Variants in PRKN observed in about 807,000 individuals in gnomAD.
The protein encoded by PRKN is E3 ubiquitin-protein ligase parkin.
A neutral mutation model predicts 59.5 loss-of-function variants in PRKN; 56 were observed. The observed-to-expected ratio is 0.94, with a 90% confidence interval of 0.76 to 1.18. The LOEUF is 1.18. Among genes scored for constraint, PRKN ranks in the 50% most tolerant of loss-of-function variants. The pLI is 0.00. For missense variants in PRKN, 657 were observed against 596.4 expected (o/e 1.10, Z -1.06); for synonymous variants, 250 against 222.1 (o/e 1.13, Z -1.12).
intron 9 of PRKN, among the ~76,000 whole-genome samples, chr6:161,477,510 C>CAA (rs55713712): frequency 0.057 from 7,058 of 124,232 alleles, 350 homozygotes; most frequent in Middle Eastern, 0.11. Flanking sequence ...AACTCCATCT[C>CAA]AAAAAAAAAA....
At chr6:162,470,533 G>A (rs1031442519) in intron 1 of PRKN, among the ~76,000 whole-genome samples, 6 of 152,040 alleles carry the variant, frequency 3.9e-5, no homozygotes, top group Admixed American at 6.5e-5. Flanking sequence ...GGAGGTTGCA[G>A]TGAGCCAAGA....
chr6:162,662,841 G>C (rs1221988211), intron 1 of PRKN, among the ~76,000 whole-genome samples: 1 of 152,084 alleles, frequency 6.6e-6, no homozygotes, highest in African/African-American at 2.4e-5. Context: ...TGGTATAATT[G>C]AAAGTCAGGT....
At chr6:161,855,815 T>C (rs1793626979) in intron 6 of PRKN, among the ~76,000 whole-genome samples, 1 of 152,216 alleles carries the variant, frequency 6.6e-6, no homozygotes, top group African/African-American at 2.4e-5. Flanking sequence ...CAGGCCAATT[T>C]TACATAAGGC....
In PRKN at chr6:161,475,951, C is replaced by G. The variant is rs542514917; in HGVS notation, c.1083+72903G>C. Among the ~76,000 whole-genome samples the G allele has an allele frequency of 1.3e-5, 2 of 151,924 alleles. No homozygotes were observed. Among genetic ancestry groups the G allele is most frequent in the African/African-American group, 4.8e-5 (2 of 41,348 alleles). ...CCTGTAATCCCAGCATTTTGGGAGG[C>G]CAAGGTGGGCGGATCACGAGGTCAG... is the stretch of plus-strand genomic sequence containing the variant. On this transcript the variant is annotated intron_variant, in intron 9 of 11. Coordinates refer to ENST00000366898, the MANE Select transcript of PRKN (RefSeq NM_004562.3). This position sits in a 1 kb window ranked among gnomAD's most constrained non-coding sequence, Gnocchi z 5.3.
rs1021299028 is a variant in PRKN, at chr6:161,467,353, C to A, written c.1084-80476G>T. 1.3e-5 allele frequency among the ~76,000 whole-genome samples: 2 copies of A among 152,118 alleles called. No homozygotes were observed. The highest frequency in any genetic ancestry group is 1.3e-4 in the Admixed American group (2 of 15,276). ...GATATAGACACATATAATACGAACA[C>A]GATTCTAGCCCTATGGAGTATATAC... On this transcript the variant is annotated intron_variant, in intron 9 of 11. Transcript: ENST00000366898. This position sits in a 1 kb window ranked among gnomAD's most constrained non-coding sequence, Gnocchi z 4.3.
chr6:161,369,804 T>C lies in PRKN; in HGVS notation c.1168-9599A>G, dbSNP rs1785367823. 6.6e-6 allele frequency among the ~76,000 whole-genome samples: 1 copy of C among 152,134 alleles called. No individual in the cohort carries two copies. Among genetic ancestry groups the C allele is most frequent in the African/African-American group, 2.4e-5 (1 of 41,500 alleles). ...TATATAGATGTTTCATATATATATT[T>C]CATATGATTATAGGAAATATATTTC... On this transcript the variant is annotated intron_variant, in intron 10 of 11. Transcript: ENST00000366898. The surrounding 1 kb of genome is among the most constrained non-coding windows in gnomAD (Gnocchi z 5.8).
intron 3 of PRKN, among the ~76,000 whole-genome samples, chr6:162,242,881 A>C (rs1779041395): frequency 6.6e-6 from 1 of 152,150 alleles, no homozygotes; most frequent in Non-Finnish European, 1.5e-5. Flanking sequence ...GGGTCTGTAC[A>C]TTCTGGAATT....
chr6:162,456,123 A>G (rs955307426), intron 1 of PRKN, among the ~76,000 whole-genome samples: 1 of 152,180 alleles, frequency 6.6e-6, no homozygotes, highest in Non-Finnish European at 1.5e-5. Context: ...TGAAGACATT[A>G]AAAGAATGAA....
intron 7 of PRKN, among the ~76,000 whole-genome samples, chr6:161,663,947 C>T (rs1256790224): frequency 2.0e-5 from 3 of 152,188 alleles, no homozygotes; most frequent in Non-Finnish European, 2.9e-5. Flanking sequence ...CCAGAATCAA[C>T]AGAACCCTGA....
At chr6:162,049,224 G>T (rs111499392) in intron 5 of PRKN, among the ~76,000 whole-genome samples, 3,236 of 151,734 alleles carry the variant, frequency 0.021, 96 homozygotes, top group African/African-American at 0.075. Context: ...GCTATTTTAA[G>T]TTCTAAGTAC....
intron 9 of PRKN, among the ~76,000 whole-genome samples, chr6:161,426,896 T>C (rs1788391492): frequency 6.7e-6 from 1 of 149,804 alleles, no homozygotes; most frequent in Admixed American, 6.6e-5. Context: ...TTTTTTCGTA[T>C]TTTTAGTAGA....
At chr6:162,249,003 C>G (rs936111191) in intron 3 of PRKN, among the ~76,000 whole-genome samples, 4 of 151,990 alleles carry the variant, frequency 2.6e-5, no homozygotes, top group Non-Finnish European at 4.4e-5. Flanking sequence ...CTCAGCCTCC[C>G]GAGTACCTGG....
intron 6 of PRKN, among the ~76,000 whole-genome samples, chr6:161,883,353 T>C (rs1487308534): frequency 1.3e-4 from 19 of 151,576 alleles, no homozygotes; most frequent in Admixed American, 7.2e-4. Flanking sequence ...AATACAAAAA[T>C]TAGCCAGGCA....
At chr6:161,836,438 G>A (rs773386188) in intron 6 of PRKN, among the ~76,000 whole-genome samples, 6 of 152,098 alleles carry the variant, frequency 3.9e-5, no homozygotes, top group Non-Finnish European at 8.8e-5. Context: ...ATTAAATCCA[G>A]CCTCCTACAT....
chr6:162,066,065 T>C (rs1778324229), intron 4 of PRKN, among the ~76,000 whole-genome samples: 1 of 152,228 alleles, frequency 6.6e-6, no homozygotes, highest in South Asian at 2.1e-4. Flanking sequence ...GCATGATTTA[T>C]AATCCTTTGG....
At chr6:162,008,112 G>C (rs1182128198) in intron 5 of PRKN, among the ~76,000 whole-genome samples, 1 of 152,198 alleles carries the variant, frequency 6.6e-6, no homozygotes. Flanking sequence ...AATTCCTCCT[G>C]AGGGTATCCA....
At chr6:162,220,051 A>C (rs1435438107) in intron 3 of PRKN, among the ~76,000 whole-genome samples, 1 of 152,162 alleles carries the variant, frequency 6.6e-6, no homozygotes, top group Non-Finnish European at 1.5e-5. Context: ...TGGTGCTGGG[A>C]TAACAGGCTA....
At chr6:161,436,134 G>A (rs1788882027) in intron 9 of PRKN, among the ~76,000 whole-genome samples, 1 of 130,260 alleles carries the variant, frequency 7.7e-6, no homozygotes, top group Non-Finnish European at 1.6e-5. Flanking sequence ...ACAGAGAGCA[G>A]AGGCTGGGAT....
chr6:162,099,718 A>T (rs1053031130), intron 4 of PRKN, among the ~76,000 whole-genome samples: 3 of 152,254 alleles, frequency 2.0e-5, no homozygotes, highest in Admixed American at 2.0e-4. Flanking sequence ...GTGTTGTGGA[A>T]CAGCTAAATT....
Sources: allele counts gnomAD v4.1 joint callset (sites outside exome capture counted in the v4.1 genomes callset), GRCh38; gene constraint gnomAD v4.1.1; non-coding constraint Gnocchi (gnomAD v3.1); transcripts MANE v1.5; gene names NCBI Gene and HGNC (gene_info 2026-07-23, HGNC 2026-07-21).